The following TMEM248 variants were observed in gnomAD, a reference collection of about 807,000 sequenced individuals.
TMEM248 encodes the protein transmembrane protein 248.
In TMEM248, 9 loss-of-function variants were observed where a neutral mutation model predicts 30.3. The observed-to-expected ratio is 0.30, with a 90% CI of 0.18 to 0.52. TMEM248 has a LOEUF of 0.52. Ranked by LOEUF, TMEM248 falls within the 20% of genes least tolerant of loss-of-function variation. The pLI is 0.97. For missense variants in TMEM248, 338 were observed against 403.3 expected, an observed-to-expected ratio of 0.84 and a Z score of 1.39; for synonymous variants, 184 against 154.4, an observed-to-expected ratio of 1.19 and a Z score of -1.42.
At chr7:66,924,233 C>T (rs1244231922) in intron 1 of TMEM248, among the ~76,000 whole-genome samples, 1 of 152,168 alleles carries the variant, frequency 6.6e-6, no homozygotes, top group Non-Finnish European at 1.5e-5. Flanking sequence ...CTTCAGTCCT[C>T]TCCAGAGGGT....
chr7:66,935,354 TGTATTTTTA>T (rs1257263794), intron 1 of TMEM248, among the ~76,000 whole-genome samples: 1 of 151,952 alleles, frequency 6.6e-6, no homozygotes, highest in Non-Finnish European at 1.5e-5. Flanking sequence ...GTCTAACGTT[TGTATTTTTA>T]GTAGAGACAG....
At chr7:66,950,017 G>A (rs961685496) in intron 4 of TMEM248, among the ~76,000 whole-genome samples, 10 of 152,122 alleles carry the variant, frequency 6.6e-5, no homozygotes, top group African/African-American at 2.2e-4. Context: ...ACTTTGTGTT[G>A]CAGTGACTGA....
intron 1 of TMEM248, among the ~76,000 whole-genome samples, chr7:66,923,621 T>A (rs530081724): frequency 7.2e-5 from 11 of 152,220 alleles, no homozygotes; most frequent in Admixed American, 7.2e-4. Context: ...GGTTAAATGC[T>A]TTTCTAAGAA....
rs896701933 is a variant in TMEM248 at position 66,957,665 on chromosome 7, A to G, written c.*2143A>G. 2.0e-5 allele frequency: 3 copies of G among 152,232 alleles called. No individual in the cohort carries two copies. Among genetic ancestry groups the G allele is most frequent in the African/African-American group, 7.2e-5 (3 of 41,456 alleles). The allele number at this position is 152,232 out of a possible 1,614,324, so 9.4% of individuals were successfully genotyped here. Reference sequence around the variant, plus strand: ...ATAGATTTATAGCTGGCAGAGTGGTATCAAAGGAGAAAAACAGTGAAAAAG... The same window carrying G: ...ATAGATTTATAGCTGGCAGAGTGGTGTCAAAGGAGAAAAACAGTGAAAAAG... On this transcript the variant is annotated 3_prime_UTR_variant, in exon 7 of 7. Transcript: ENST00000341567.
At chr7:66,946,101 G>A (rs1235530148) in intron 3 of TMEM248, among the ~76,000 whole-genome samples, 5 of 130,828 alleles carry the variant, frequency 3.8e-5, no homozygotes, top group African/African-American at 8.3e-5. Context: ...AAAAAAAAAA[G>A]AAGTCAGCTG....
In TMEM248 at chr7:66,953,255, C is replaced by T. The variant is rs780829806; in HGVS notation, c.810C>T (p.Leu270=). The change falls in exon 6 of 7, where the codon CTC becomes CTT. Residue 270 remains leucine, a synonymous_variant. Transcript: ENST00000341567. ...DDDRSLINLH[L]MHTSYFLFVM... ...ACCGTTCATTAATAAATTTGCATCT[C>T]ATGCACACCAGTTACTTCCTCTTTG... The T allele has an allele frequency of 3.7e-6, 6 of 1,614,112 alleles. No individual in the cohort carries two copies. The highest frequency in any genetic ancestry group is 4.2e-6 in the Non-Finnish European group (5 of 1,180,016).
intron 1 of TMEM248, among the ~76,000 whole-genome samples, chr7:66,933,281 T>C (rs12533298): frequency 0.16 from 24,280 of 152,152 alleles, 2,345 homozygotes; most frequent in East Asian, 0.29. Flanking sequence ...GCCATCCTCC[T>C]GCCTCAGCCC....
At chr7:66,949,385 C>G (rs1220669285) in intron 4 of TMEM248, among the ~76,000 whole-genome samples, 1 of 151,978 alleles carries the variant, frequency 6.6e-6, no homozygotes, top group Non-Finnish European at 1.5e-5. Context: ...TACTCAGAGG[C>G]TAAAGCAGGG....
chr7:66,939,981 T>C (rs1175423539), intron 1 of TMEM248, among the ~76,000 whole-genome samples: 1 of 151,932 alleles, frequency 6.6e-6, no homozygotes, highest in Non-Finnish European at 1.5e-5. Context: ...ATTGAGACAG[T>C]CTCATTCTGT....
intron 1 of TMEM248, among the ~76,000 whole-genome samples, chr7:66,940,316 C>A (rs985628431): frequency 3.9e-5 from 6 of 152,122 alleles, no homozygotes; most frequent in Admixed American, 3.9e-4. Flanking sequence ...CAGGCAGATA[C>A]AAAATTCTTC....
intron 1 of TMEM248, among the ~76,000 whole-genome samples, chr7:66,929,031 G>T (rs1791596733): frequency 6.6e-6 from 1 of 152,054 alleles, no homozygotes; most frequent in Non-Finnish European, 1.5e-5. Flanking sequence ...CAAGTGATCG[G>T]CTGGCCTCAG....
chr7:66,946,453 G>A (rs192995850), intron 3 of TMEM248, among the ~76,000 whole-genome samples: 24 of 151,558 alleles, frequency 1.6e-4, no homozygotes, highest in African/African-American at 5.6e-4. Context: ...GGTGGCAGGC[G>A]CCCGTGATCC....
intron 1 of TMEM248, among the ~76,000 whole-genome samples, chr7:66,941,007 T>C (rs970372245): frequency 6.6e-6 from 1 of 152,124 alleles, no homozygotes. Context: ...CCCAGAACTT[T>C]GGGAGGCTGA....
Position 66,956,780 on chromosome 7 carries a change from C to T in TMEM248, c.*1258C>T, listed in dbSNP as rs1792415558. 6.6e-6 allele frequency: 1 copy of T among 152,072 alleles called. No homozygotes were observed. The highest frequency in any genetic ancestry group is 2.1e-4 in the South Asian group (1 of 4,828). The allele number at this position is 152,072 out of a possible 1,614,324, so 9.4% of individuals were successfully genotyped here. On this transcript the variant is annotated 3_prime_UTR_variant, in exon 7 of 7. Coordinates refer to ENST00000341567, the MANE Select transcript of TMEM248 (RefSeq NM_017994.5). ...CCTCCAACTCCTGGGCTCAAGCAATCCTCCCACTTTAGCCTCCTGAGTAGC... is the reference window on the plus strand; with the variant it reads ...CCTCCAACTCCTGGGCTCAAGCAATTCTCCCACTTTAGCCTCCTGAGTAGC...
chr7:66,929,364 G>A (rs1791607899), intron 1 of TMEM248, among the ~76,000 whole-genome samples: 1 of 151,278 alleles, frequency 6.6e-6, no homozygotes, highest in Non-Finnish European at 1.5e-5. Context: ...GCACCTTCCT[G>A]GTGTCAGGCA....
At position 66,945,081 on chromosome 7, in the gene TMEM248, A is replaced by G. The variant is rs776270579; in HGVS notation, c.265A>G (p.Met89Val). 2.3e-5 allele frequency: 37 copies of G among 1,614,126 alleles called. No individual in the cohort carries two copies. Among genetic ancestry groups the G allele is most frequent in the Non-Finnish European group, 2.6e-5 (31 of 1,180,044 alleles). ...CGACACCACAACTCCGGAAAGTACA[A>G]TGACCAGCGGGCAGGCCCGAGCTTC... ...TNDTTTPESTMTSGQARASTQ... is the reference protein window; with the variant it reads ...TNDTTTPESTVTSGQARASTQ... The change falls in exon 3 of 7, where the codon ATG (methionine) becomes GTG (valine). Residue 89 changes from methionine to valine, a missense_variant. Physicochemically the swap from Met to Val is conservative, Grantham distance 21 (BLOSUM62 1). Coordinates refer to ENST00000341567, the MANE Select transcript of TMEM248 (RefSeq NM_017994.5).
At chr7:66,944,866 T>G in intron 2 of TMEM248, 110 bp from the exon 3 acceptor site, 1 of 1,124,060 alleles carries the variant, frequency 8.9e-7, no homozygotes, top group Non-Finnish European at 1.3e-6. Flanking sequence ...CAGCTCTGAA[T>G]TGTAGTTTGC....
At chr7:66,954,987 C>T (rs916094769) in intron 6 of TMEM248, among the ~76,000 whole-genome samples, 1 of 152,170 alleles carries the variant, frequency 6.6e-6, no homozygotes, top group Non-Finnish European at 1.5e-5. Context: ...AGACAGTTAC[C>T]TCAGCTAGGT....
chr7:66,951,849 CG>C (rs1792276767), intron 5 of TMEM248, among the ~76,000 whole-genome samples: 1 of 151,834 alleles, frequency 6.6e-6, no homozygotes, highest in African/African-American at 2.4e-5. Flanking sequence ...TTTGTAGAGA[CG>C]GGGGTCTTGC....
Sources: gnomAD v4.1 joint callset for allele counts (sites outside exome capture counted in the v4.1 genomes callset) on GRCh38, gnomAD v4.1.1 for gene constraint, MANE v1.5 for transcripts, NCBI Gene and HGNC (gene_info 2026-07-23, HGNC 2026-07-21) for gene names.